CANX: variants seen among roughly 807,000 people sequenced by gnomAD.
CANX encodes calnexin.
CANX carries 14 observed loss-of-function variants against 75.7 expected under a neutral mutation model. The ratio of observed to expected loss-of-function variants is 0.19; its 90% CI spans 0.12 to 0.29. The LOEUF (loss-of-function observed/expected upper bound fraction) is 0.29. Among genes scored for constraint, CANX ranks in the 10% least tolerant of loss-of-function variants. The pLI is 1.00. For synonymous variants in CANX, 227 were observed against 236.9 expected (o/e 0.96, Z 0.38); for missense variants, 567 against 713.2 (o/e 0.79, Z 2.34).
intron 1 of CANX, among the ~76,000 whole-genome samples, chr5:179,693,194 C>T (rs1158169366): frequency 2.8e-5 from 4 of 143,910 alleles, no homozygotes; most frequent in Admixed American, 7.0e-5. Flanking sequence ...AATGGACAAA[C>T]GACATGAATA....
At chr5:179,680,773 A>G in intron 1 of CANX, 1 of 875,392 alleles carries the variant, frequency 1.1e-6, no homozygotes, top group Non-Finnish European at 1.8e-6. Context: ...GGCAGTGAGA[A>G]GAGAAAGAAC....
At chr5:179,678,928 G>GC (rs2127760322) in intron 1 of CANX, 1 of 1,535,276 alleles carries the variant, frequency 6.5e-7, no homozygotes, top group South Asian at 1.2e-5. Flanking sequence ...AGGCCTGGTT[G>GC]CTGAGGCGCA....
Position 179,722,862 on chromosome 5 carries a change from T to G in CANX, c.1241T>G (p.Phe414Cys), listed in dbSNP as rs1778400371. ...GATTTCTTTGAAGATCTGGAACCTT[T>G]CAGAATGACTCCTTTTAGTGCTATT... is the stretch of plus-strand genomic sequence containing the variant. ...NPDFFEDLEP[F>C]RMTPFSAIGL... is the part of the protein sequence containing the mutation. The change falls in exon 11 of 15, where the codon TTC becomes TGC. Residue 414 changes from phenylalanine to cysteine, a missense_variant. Transcript: ENST00000247461. 6.2e-7 allele frequency: 1 copy of G among 1,613,918 alleles called. No individual in the cohort carries two copies.
chr5:179,709,374 A>G (rs1194607531), intron 6 of CANX, among the ~76,000 whole-genome samples: 1 of 151,998 alleles, frequency 6.6e-6, no homozygotes, highest in African/African-American at 2.4e-5. Flanking sequence ...AGATTGCGCC[A>G]CTGCACTCCA....
upstream of CANX, among the ~76,000 whole-genome samples, chr5:179,697,262 CTA>C (rs1776428855): frequency 6.6e-6 from 1 of 152,026 alleles, no homozygotes; most frequent in Admixed American, 6.6e-5. Context: ...AGGGGTCTCA[CTA>C]TGTTGCCCAG....
Position 179,729,020 on chromosome 5 carries a change from T to C in CANX, c.*376T>C, listed in dbSNP as rs1201514969. ...TGTTTGTGCAAACATAATACCACCA[T>C]TTAAAAATGTTAGGGAGATGAGTTG... On this transcript the variant is annotated 3_prime_UTR_variant, in exon 15 of 15. Transcript: ENST00000247461. The C allele has an allele frequency of 3.9e-6, 1 of 255,510 alleles. No homozygotes were observed. The highest frequency in any genetic ancestry group is 5.3e-5 in the Admixed American group (1 of 18,964). The allele number at this position is 255,510 out of a possible 1,614,324, so 15.8% of individuals were successfully genotyped here. A position where few individuals can be genotyped will look rare whatever the true frequency, so the allele number is the denominator to read the frequency against.
rs553986489 is a variant in CANX at position 179,708,484 on chromosome 5, G to A, written c.446+104G>A. ...TAAAAAATTATGAGATTATATAAGT[G>A]GTGGTAGGGATTTTTGGGTGAATTT... On this transcript the variant is annotated intron_variant, in intron 5 of 14. Coordinates refer to ENST00000247461, the MANE Select transcript of CANX (RefSeq NM_001746.4). The A allele has an allele frequency of 5.8e-6, 6 of 1,036,718 alleles. No homozygotes were observed. In the Admixed American group the frequency reaches 1.3e-4, roughly 22 times the overall value. The allele number at this position is 1,036,718 out of a possible 1,614,324, so 64.2% of individuals were successfully genotyped here. A position where few individuals can be genotyped will look rare whatever the true frequency, so the allele number is the denominator to read the frequency against.
chr5:179,679,112 C>T, intron 1 of CANX: 2 of 1,535,732 alleles, frequency 1.3e-6, no homozygotes, highest in Non-Finnish European at 1.7e-6. Context: ...GCTGGCATGG[C>T]TCGTAGCCGA....
Position 179,708,376 on chromosome 5 carries a change from G to T in CANX, c.442G>T (p.Val148Phe), listed in dbSNP as rs1439982711. The part of the protein sequence containing the change: ...PFLFDTKPLI[V>F]QYEVNFQNGI... ...CCTGTTTGACACCAAGCCTCTCATT[G>T]TTCAGTAAGTGAAATGCTTGTTGGA... The change falls in exon 5 of 15, where the codon GTT (valine) becomes TTT (phenylalanine). Residue 148 changes from valine to phenylalanine, a missense_variant. Around this residue, in one of 3 missense-constraint regions of CANX, gnomAD observed 351 missense variants for 433.8 expected, o/e 0.81. Transcript: ENST00000247461. 6.2e-7 allele frequency: 1 copy of T among 1,612,662 alleles called. No individual in the cohort carries two copies. Among genetic ancestry groups the T allele is most frequent in the Non-Finnish European group, 8.5e-7 (1 of 1,179,112 alleles).
intron 10 of CANX, 85 bp from the exon 11 acceptor site, chr5:179,722,719 T>C (rs992680438): frequency 7.2e-6 from 6 of 835,478 alleles, no homozygotes; most frequent in African/African-American, 3.4e-5. Flanking sequence ...CCATTGTTCA[T>C]GCAAAATTTC....
intron 13 of CANX, among the ~76,000 whole-genome samples, chr5:179,726,432 C>T (rs917419341): frequency 2.0e-5 from 3 of 151,962 alleles, no homozygotes; most frequent in Admixed American, 6.5e-5. Flanking sequence ...AAAAGTTAGC[C>T]GGGCATGGTG....
intron 14 of CANX, 29 bp from the exon 15 acceptor site, chr5:179,728,562 A>C: frequency 2.2e-6 from 3 of 1,341,144 alleles, no homozygotes; most frequent in Non-Finnish European, 3.2e-6. Context: ...AAATGTGCTA[A>C]TTATAATGAA....
upstream of CANX, among the ~76,000 whole-genome samples, chr5:179,695,081 GC>G (rs1371198777): frequency 3.0e-4 from 23 of 75,452 alleles, no homozygotes; most frequent in Non-Finnish European, 2.1e-4. Context: ...ACGGAATCTT[GC>G]TCTGTCTCCC....
chr5:179,694,496 G>A (rs531844014), upstream of CANX: 113 of 751,488 alleles, frequency 1.5e-4, 1 homozygote, highest in South Asian at 1.5e-3. Flanking sequence ...TGTTCTCTTC[G>A]GAAATCCGCC....
At chr5:179,694,828 C>T (rs1007170136), upstream of CANX, 1 of 465,216 alleles carries the variant, frequency 2.1e-6, no homozygotes, top group Non-Finnish European at 3.9e-6. Context: ...AGTGCTCCCT[C>T]TCTCTGTGTG....
At chr5:179,714,031 C>G (rs112923289) in intron 7 of CANX, among the ~76,000 whole-genome samples, 3,221 of 152,028 alleles carry the variant, frequency 0.021, 140 homozygotes, top group African/African-American at 0.074. Flanking sequence ...GGGAGTCTCT[C>G]TCTGTTGCCC....
In CANX at chr5:179,716,037, C is replaced by A. The variant is rs555651082; in HGVS notation, c.722-68C>A. The A allele has an allele frequency of 4.2e-5, 49 of 1,170,798 alleles. No homozygotes were observed. The African/African-American group carries it at 6.4e-4, about 15-fold the overall frequency. 72.5% of individuals were successfully genotyped at this position (1,170,798 alleles called of 1,614,324 possible). ...GCTGCTTCACGTTAGAAGTCATGAT[C>A]TTTTGTATTATGGTAAAGGGAGCTT... On this transcript the variant is annotated intron_variant, in intron 7 of 14. Coordinates refer to ENST00000247461, the MANE Select transcript of CANX (RefSeq NM_001746.4).
chr5:179,725,370 C>T (rs946207567), intron 13 of CANX, among the ~76,000 whole-genome samples: 12 of 151,936 alleles, frequency 7.9e-5, no homozygotes, highest in Non-Finnish European at 1.6e-4. Context: ...CCAGACCCAG[C>T]GAGATCCTGT....
At chr5:179,705,317 A>T (rs1777053079) in intron 1 of CANX, among the ~76,000 whole-genome samples, 1 of 152,070 alleles carries the variant, frequency 6.6e-6, no homozygotes, top group Admixed American at 6.6e-5. Context: ...TTTAACGGGT[A>T]CCCCCTGTAA....
Sources: allele counts gnomAD v4.1 joint callset (sites outside exome capture counted in the v4.1 genomes callset), GRCh38; gene constraint gnomAD v4.1.1; regional missense constraint gnomAD v4.1.1; transcripts MANE v1.5; gene names NCBI Gene and HGNC (gene_info 2026-07-23, HGNC 2026-07-21).